ASIC2: variants seen among roughly 807,000 people sequenced by gnomAD.
ASIC2 encodes acid-sensing ion channel 2.
A neutral mutation model predicts 57.3 loss-of-function variants in ASIC2; 25 were observed. The ratio of observed to expected loss-of-function variants is 0.44; its 90% CI spans 0.32 to 0.61. The LOEUF is 0.61. Ranked by LOEUF, ASIC2 falls within the 20% of genes least tolerant of loss-of-function variation. The pLI, the probability that ASIC2 is intolerant of heterozygous loss-of-function variation, is 0.06. For synonymous variants in ASIC2, 319 were observed against 307.5 expected (o/e 1.04, Z -0.39); for missense variants, 641 against 738.1 (o/e 0.87, Z 1.52).
At chr17:33,600,162 C>A (rs1315597923) in intron 1 of ASIC2, among the ~76,000 whole-genome samples, 1 of 152,162 alleles carries the variant, frequency 6.6e-6, no homozygotes, top group South Asian at 2.1e-4. Flanking sequence ...CAGAGGGAAA[C>A]CCCAAAGGCC....
At chr17:33,685,230 G>C (rs1908147022) in intron 1 of ASIC2, among the ~76,000 whole-genome samples, 1 of 152,158 alleles carries the variant, frequency 6.6e-6, no homozygotes, top group African/African-American at 2.4e-5. Flanking sequence ...CAGATAAGTA[G>C]AAACCAATCC....
At chr17:33,263,838 TC>T (rs1465807536) in intron 1 of ASIC2, among the ~76,000 whole-genome samples, 1 of 152,206 alleles carries the variant, frequency 6.6e-6, no homozygotes, top group Admixed American at 6.5e-5. Flanking sequence ...CTCTCCATGC[TC>T]CCCTTCTGCG....
chr17:33,726,351 A>T (rs952821734), intron 1 of ASIC2, among the ~76,000 whole-genome samples: 2 of 152,202 alleles, frequency 1.3e-5, no homozygotes, highest in Non-Finnish European at 2.9e-5. Context: ...CGCTGAACCC[A>T]GTCAGCTCAT....
At chr17:34,109,136 T>C (rs1437782937) in intron 1 of ASIC2, among the ~76,000 whole-genome samples, 2 of 152,056 alleles carry the variant, frequency 1.3e-5, no homozygotes, top group Non-Finnish European at 2.9e-5. Flanking sequence ...TTAAAGTGGA[T>C]TTCTTGTGAG....
intron 1 of ASIC2, chr17:34,038,264 T>C: frequency 6.2e-7 from 1 of 1,610,598 alleles, no homozygotes; most frequent in Non-Finnish European, 8.5e-7. Flanking sequence ...CATTAATTTG[T>C]GCTGTTTCAG....
At chr17:33,084,421 C>T (rs1015565936) in intron 3 of ASIC2, among the ~76,000 whole-genome samples, 1 of 152,220 alleles carries the variant, frequency 6.6e-6, no homozygotes, top group Admixed American at 6.5e-5. Flanking sequence ...CCTGTGCGCT[C>T]TCTCCAGAGA....
At position 33,374,955 on chromosome 17, in the gene ASIC2, A is replaced by G. The variant is rs1334121588; in HGVS notation, c.556-262888T>C. On this transcript the variant is annotated intron_variant, in intron 1 of 9. Transcript: ENST00000359872. ...TTTACCGACAAGGAAACAGAAGCCC[A>G]GGGAGGTTGGGACCGTCAGAGATTC... 6.6e-5 allele frequency among the ~76,000 whole-genome samples: 10 copies of G among 152,354 alleles called. No homozygotes were observed. The East Asian group carries it at 1.5e-3, about 23-fold the overall frequency.
At chr17:33,488,599 T>C (rs1278546421) in intron 1 of ASIC2, among the ~76,000 whole-genome samples, 1 of 152,228 alleles carries the variant, frequency 6.6e-6, no homozygotes, top group Non-Finnish European at 1.5e-5. Context: ...TTTCTAATCA[T>C]GGTAAAACAC....
At chr17:33,817,180 G>C (rs1478641841) in intron 1 of ASIC2, among the ~76,000 whole-genome samples, 1 of 152,252 alleles carries the variant, frequency 6.6e-6, no homozygotes, top group Non-Finnish European at 1.5e-5. Flanking sequence ...GGTGTGGGCA[G>C]CTGGGGTTGA....
intron 1 of ASIC2, among the ~76,000 whole-genome samples, chr17:33,330,485 C>G (rs768988396): frequency 1.3e-5 from 2 of 152,184 alleles, no homozygotes; most frequent in African/African-American, 2.4e-5. Flanking sequence ...GATGAGTCCT[C>G]ATGACACCTT....
chr17:33,886,840 AC>A (rs1914840386), intron 1 of ASIC2, among the ~76,000 whole-genome samples: 1 of 152,120 alleles, frequency 6.6e-6, no homozygotes, highest in Non-Finnish European at 1.5e-5. Flanking sequence ...TTCACCCCAG[AC>A]CCACTGGATC....
At chr17:33,988,890 A>T (rs1905913177) in intron 1 of ASIC2, among the ~76,000 whole-genome samples, 1 of 152,102 alleles carries the variant, frequency 6.6e-6, no homozygotes, top group African/African-American at 2.4e-5. Flanking sequence ...AAAAGCAGAC[A>T]TGTAATTTAT....
intron 1 of ASIC2, among the ~76,000 whole-genome samples, chr17:33,879,255 C>A (rs1914634844): frequency 2.0e-5 from 3 of 152,186 alleles, no homozygotes; most frequent in South Asian, 4.1e-4. Flanking sequence ...TCACACATAA[C>A]AATATTAACC....
chr17:33,732,153 C>G (rs1909762180), intron 1 of ASIC2, among the ~76,000 whole-genome samples: 1 of 152,160 alleles, frequency 6.6e-6, no homozygotes, highest in African/African-American at 2.4e-5. Context: ...ACACATAAAG[C>G]AGCAGGTGCA....
chr17:33,429,610 T>A (rs2141977344), intron 1 of ASIC2, among the ~76,000 whole-genome samples: 1 of 152,192 alleles, frequency 6.6e-6, no homozygotes, highest in Non-Finnish European at 1.5e-5. Context: ...CAGGATGGTC[T>A]CGATCTCCTG....
At chr17:33,311,441 T>TGA (rs1429666024) in intron 1 of ASIC2, among the ~76,000 whole-genome samples, 1 of 151,860 alleles carries the variant, frequency 6.6e-6, no homozygotes, top group East Asian at 1.9e-4. Context: ...TGTGTGTGTG[T>TGA]GTGTGTGTGT....
chr17:33,816,489 C>A (rs1305739165), intron 1 of ASIC2, among the ~76,000 whole-genome samples: 1 of 152,146 alleles, frequency 6.6e-6, no homozygotes, highest in East Asian at 1.9e-4. Flanking sequence ...CTTAGAGAGA[C>A]TGAATAACTC....
intron 1 of ASIC2, among the ~76,000 whole-genome samples, chr17:33,885,105 C>T (rs953259753): frequency 6.6e-6 from 1 of 152,158 alleles, no homozygotes; most frequent in African/African-American, 2.4e-5. Context: ...AGTTTCAGGC[C>T]TCTCTCCTTC....
chr17:33,694,885 G>A (rs956078466), intron 1 of ASIC2, among the ~76,000 whole-genome samples: 7 of 152,012 alleles, frequency 4.6e-5, no homozygotes, highest in Non-Finnish European at 4.4e-5. Context: ...CTCTTCTCCT[G>A]TCCTCTTGTT....
Sources: gnomAD v4.1 joint callset for allele counts (sites outside exome capture counted in the v4.1 genomes callset) on GRCh38, gnomAD v4.1.1 for gene constraint, MANE v1.5 for transcripts, NCBI Gene and HGNC (gene_info 2026-07-23, HGNC 2026-07-21) for gene names.